NAA11: variants seen among roughly 807,000 people sequenced by gnomAD.
NAA11 encodes N-alpha-acetyltransferase 11.
In NAA11, 15 loss-of-function variants were observed where a neutral mutation model predicts 16.1. That is an observed-to-expected ratio of 0.93 (90% CI 0.62 to 1.44). NAA11 has a LOEUF of 1.44. Among genes scored for constraint, NAA11 ranks in the 40% most tolerant of loss-of-function variants. The pLI is 0.00. For synonymous variants in NAA11, 122 were observed against 112.4 expected, an observed-to-expected ratio of 1.09 and a Z score of -0.54; for missense variants, 298 against 291.3, an observed-to-expected ratio of 1.02 and a Z score of -0.17.
chr4:79,164,555 T>C, the NAA11 span, among the ~76,000 whole-genome samples: 10 of 152,168 alleles, frequency 6.6e-5, no homozygotes, highest in Non-Finnish European at 1.2e-4. Context: ...AGAAATGTGA[T>C]AAAGAACACA....
chr4:79,309,797 C>G (rs533764394), intron 1 of NAA11, among the ~76,000 whole-genome samples: 1 of 137,332 alleles, frequency 7.3e-6, no homozygotes, highest in Non-Finnish European at 1.5e-5. Flanking sequence ...CTCACTGCAA[C>G]CTCCATCTCC....
At chr4:79,292,889 T>A (rs1322772824) in intron 2 of NAA11, among the ~76,000 whole-genome samples, 2 of 152,200 alleles carry the variant, frequency 1.3e-5, no homozygotes, top group Non-Finnish European at 2.9e-5. Context: ...TTTCTCTGAC[T>A]CCAAAGCCAG....
intron 2 of NAA11, among the ~76,000 whole-genome samples, chr4:79,284,589 G>GTCTTTAAGAATGT (rs1364100626): frequency 0.12 from 12,999 of 107,990 alleles, 4,491 homozygotes; most frequent in African/African-American, 0.22. Context: ...AATGATTGAG[G>GTCTTTAAGAATGT]GCCGGGCGCG....
intron 2 of NAA11, among the ~76,000 whole-genome samples, chr4:79,275,234 T>C (rs951900361): frequency 3.9e-5 from 6 of 152,090 alleles, no homozygotes; most frequent in African/African-American, 1.4e-4. Flanking sequence ...ATTGCCAAGA[T>C]GAAATATAGT....
the NAA11 span, among the ~76,000 whole-genome samples, chr4:79,220,268 T>C: frequency 1.3e-5 from 2 of 152,184 alleles, no homozygotes; most frequent in Non-Finnish European, 2.9e-5. Flanking sequence ...AATTTTTGTA[T>C]TTTTAGTAGA....
intron 2 of NAA11, among the ~76,000 whole-genome samples, chr4:79,259,959 C>A (rs560300701): frequency 2.8e-4 from 43 of 152,236 alleles, no homozygotes; most frequent in Middle Eastern, 3.4e-3. Context: ...TTGATGGAAG[C>A]CCTAATGGGT....
At chr4:79,176,698 C>T in the NAA11 span, among the ~76,000 whole-genome samples, 2 of 152,134 alleles carry the variant, frequency 1.3e-5, no homozygotes, top group Non-Finnish European at 2.9e-5. Flanking sequence ...CCTATACAAA[C>T]TGACACATAG....
At chr4:79,166,898 A>T in the NAA11 span, among the ~76,000 whole-genome samples, 1 of 146,678 alleles carries the variant, frequency 6.8e-6, no homozygotes, top group Non-Finnish European at 1.5e-5. Context: ...GGCATGAGCC[A>T]CCATGCCTGG....
chr4:79,287,055 C>A (rs550967238), intron 2 of NAA11, among the ~76,000 whole-genome samples: 1 of 152,248 alleles, frequency 6.6e-6, no homozygotes, highest in African/African-American at 2.4e-5. Flanking sequence ...TTAATAGTCA[C>A]ACATTCTTGG....
chr4:79,278,907 C>T, intron 2 of NAA11, among the ~76,000 whole-genome samples: 1 of 152,070 alleles, frequency 6.6e-6, no homozygotes, highest in East Asian at 1.9e-4. Flanking sequence ...AGTCCAAGAT[C>T]AAGATGTCAG....
At chr4:79,320,105 C>T (rs1232981920) in intron 1 of NAA11, among the ~76,000 whole-genome samples, 3 of 152,160 alleles carry the variant, frequency 2.0e-5, no homozygotes, top group Non-Finnish European at 4.4e-5. Flanking sequence ...AAGAGATAAG[C>T]AGCAGTTTGA....
intron 1 of NAA11, among the ~76,000 whole-genome samples, chr4:79,310,728 A>G (rs1723748298): frequency 1.3e-5 from 2 of 152,216 alleles, no homozygotes; most frequent in African/African-American, 4.8e-5. Context: ...TATTTGAATT[A>G]CATCTAAATA....
chr4:79,157,859 T>C, the NAA11 span, among the ~76,000 whole-genome samples: 61 of 150,512 alleles, frequency 4.1e-4, no homozygotes, highest in Non-Finnish European at 8.9e-5. Context: ...GGCATCCAAA[T>C]CGGTAAAGAA....
At chr4:79,295,165 G>A (rs1181810113) in intron 1 of NAA11, among the ~76,000 whole-genome samples, 2 of 152,172 alleles carry the variant, frequency 1.3e-5, no homozygotes, top group South Asian at 2.1e-4. Flanking sequence ...AAGCAAAGAG[G>A]CATGTTAGTG....
chr4:79,301,951 T>C (rs977816369), intron 1 of NAA11, among the ~76,000 whole-genome samples: 14 of 152,232 alleles, frequency 9.2e-5, no homozygotes, highest in African/African-American at 3.4e-4. Flanking sequence ...TGATGGATGC[T>C]AAAATGCTTC....
intron 1 of NAA11, among the ~76,000 whole-genome samples, chr4:79,307,758 A>G (rs1723632866): frequency 6.6e-6 from 1 of 152,230 alleles, no homozygotes; most frequent in Admixed American, 6.5e-5. Context: ...TTTGATAAGA[A>G]CAATTTTGCA....
At chr4:79,290,537 T>A (rs1214449450) in intron 2 of NAA11, among the ~76,000 whole-genome samples, 2 of 152,176 alleles carry the variant, frequency 1.3e-5, no homozygotes, top group Non-Finnish European at 2.9e-5. Flanking sequence ...AGCTTGATTG[T>A]CTCGGTTTCT....
chr4:79,248,406 G>A (rs1193313778), intron 2 of NAA11, among the ~76,000 whole-genome samples: 1 of 152,070 alleles, frequency 6.6e-6, no homozygotes, highest in Non-Finnish European at 1.5e-5. Flanking sequence ...ACCACTGGCA[G>A]GTATTTGCAT....
chr4:79,308,460 T>C (rs1234302892), intron 1 of NAA11: 2 of 152,152 alleles, frequency 1.3e-5, no homozygotes, highest in East Asian at 1.9e-4. Context: ...CCGATTTATA[T>C]GAAAATTAAG....
Sources: gnomAD v4.1 joint callset for allele counts (sites outside exome capture counted in the v4.1 genomes callset) on GRCh38, gnomAD v4.1.1 for gene constraint, MANE v1.5 for transcripts, NCBI Gene and HGNC (gene_info 2026-07-23, HGNC 2026-07-21) for gene names.